PAH: variants seen among roughly 807,000 people sequenced by gnomAD.
PAH encodes the protein phenylalanine hydroxylase.
In PAH, 64 loss-of-function variants were observed where a neutral mutation model predicts 62.0. The observed-to-expected ratio is 1.03, with a 90% CI of 0.84 to 1.27. The LOEUF (loss-of-function observed/expected upper bound fraction) is 1.27, where lower values mean the gene tolerates loss of function less well. Among genes scored for constraint, PAH ranks in the 50% most tolerant of loss-of-function variants. The pLI, the probability that PAH is intolerant of heterozygous loss-of-function variation, is 0.00. For synonymous variants in PAH, 195 were observed against 196.2 expected (o/e 0.99, Z 0.05); for missense variants, 579 against 542.8 (o/e 1.07, Z -0.66).
Position 102,839,182 on chromosome 12 carries a change from A to G in PAH, c.1352T>C (p.Ile451Thr), listed in dbSNP as rs781041737. ...IGILCSALQKIK is the reference protein window; with the variant it reads ...IGILCSALQKTK ...CACATTCTGTCCATGGCTTTACTTT[A>G]TTTTCTGGAGGGCACTGCAAAGGAT... The change falls in exon 13 of 13, where the codon ATA becomes ACA. Residue 451 changes from isoleucine to threonine, a missense_variant. Transcript: ENST00000553106. The G allele has an allele frequency of 5.0e-6, 8 of 1,613,654 alleles. No individual in the cohort carries two copies. The highest frequency in any genetic ancestry group is 2.7e-5 in the African/African-American group (2 of 74,922).
chr12:102,877,114 A>G, intron 4 of PAH: 1 of 372,120 alleles, frequency 2.7e-6, no homozygotes, highest in South Asian at 2.2e-5. Context: ...TTGTTAGTAC[A>G]GGTTGCTGTT....
intron 3 of PAH, among the ~76,000 whole-genome samples, chr12:102,885,854 CAGAG>C (rs1877019567): frequency 6.6e-6 from 1 of 152,186 alleles, no homozygotes; most frequent in African/African-American, 2.4e-5. Context: ...CAGCCTGTCT[CAGAG>C]AGAGCAATAA....
intron 1 of PAH, among the ~76,000 whole-genome samples, chr12:102,930,977 ATC>A (rs1565879296): frequency 6.6e-6 from 1 of 152,200 alleles, no homozygotes; most frequent in Non-Finnish European, 1.5e-5. Flanking sequence ...AAAATAAATT[ATC>A]TGTTTATTCT....
chr12:102,896,144 G>A (rs555089401), intron 2 of PAH, among the ~76,000 whole-genome samples: 44 of 152,250 alleles, frequency 2.9e-4, no homozygotes, highest in Admixed American at 2.6e-3. Flanking sequence ...GCATTCCTGA[G>A]ACAGGGTGAG....
In PAH at chr12:102,949,960, G is replaced by T. The variant is rs187019753; in HGVS notation, c.-96+629C>A. 1.5e-3 allele frequency among the ~76,000 whole-genome samples: 221 copies of T among 152,280 alleles called. 2 individuals are homozygous for T. The highest frequency in any genetic ancestry group is 4.1e-3 in the Admixed American group (63 of 15,296). Reference sequence around the variant, plus strand: ...TGATTAGGTTTCATAGTTATTTGATGAATCAATGAGCATGTCAGCCTTGAT... The same window carrying T: ...TGATTAGGTTTCATAGTTATTTGATTAATCAATGAGCATGTCAGCCTTGAT... On this transcript the variant is annotated intron_variant, in intron 1 of 3. Transcript: ENST00000546844.
intron 4 of PAH, among the ~76,000 whole-genome samples, chr12:102,869,423 A>G (rs1876205162): frequency 6.6e-6 from 1 of 152,250 alleles, no homozygotes; most frequent in Admixed American, 6.5e-5. Context: ...AAAATAAGTA[A>G]CACTAACAGT....
rs74486803 is a variant in PAH at position 102,855,315 on chromosome 12, C to T, written c.527G>A (p.Arg176Gln). 45 of 1,613,912 alleles carry T rather than the reference C, an allele frequency of 2.8e-5. No individual in the cohort carries two copies. Among genetic ancestry groups the T allele is most frequent in the South Asian group, 6.6e-5 (6 of 91,064 alleles). Residue 176 changes from arginine to glutamine, a missense_variant, in exon 6 of 13, where the codon CGA becomes CAA. Transcript: ENST00000553106. ...CTTTTCTTCCTCCATGTATTCCACTCGAGGGATGGGCTGCCCACTAGAATA... is the reference window on the plus strand; with the variant it reads ...CTTTTCTTCCTCCATGTATTCCACTTGAGGGATGGGCTGCCCACTAGAATA... ...YNYRHGQPIPRVEYMEEEKKT... is the reference protein window; with the variant it reads ...YNYRHGQPIPQVEYMEEEKKT...
chr12:102,921,160 G>A (rs1004279231), upstream of PAH, among the ~76,000 whole-genome samples: 2 of 152,112 alleles, frequency 1.3e-5, no homozygotes, highest in East Asian at 1.9e-4. Context: ...AGTTCCTATT[G>A]GTGGGTATAC....
intron 1 of PAH, 36 bp from the exon 2 acceptor site, chr12:102,912,934 C>T (rs1274647954): frequency 7.2e-7 from 1 of 1,398,380 alleles, no homozygotes; most frequent in Admixed American, 1.7e-5. Context: ...AAACATTTTC[C>T]ACAGTTTAGC....
intron 3 of PAH, among the ~76,000 whole-genome samples, chr12:102,883,058 G>A (rs1428885164): frequency 6.6e-6 from 1 of 152,068 alleles, no homozygotes; most frequent in Non-Finnish European, 1.5e-5. Context: ...GGTATTAAGA[G>A]GTTTCTAATC....
intron 1 of PAH, chr12:102,945,846 C>A: frequency 6.6e-6 from 1 of 152,368 alleles, no homozygotes; most frequent in Non-Finnish European, 1.5e-5. Flanking sequence ...ATTCTTCCCC[C>A]TCTGTTTCTC....
intron 5 of PAH, among the ~76,000 whole-genome samples, chr12:102,861,979 A>AAAAG (rs1183598997): frequency 4.9e-4 from 75 of 151,962 alleles, no homozygotes; most frequent in Middle Eastern, 3.4e-3. Context: ...AAAAAAAAAA[A>AAAAG]AAAGAAAGAC....
intron 8 of PAH, among the ~76,000 whole-genome samples, chr12:102,848,858 A>G (rs1218439416): frequency 7.0e-6 from 1 of 142,228 alleles, no homozygotes; most frequent in African/African-American, 2.6e-5. Flanking sequence ...GCTGAGGGTT[A>G]AAGGGACACC....
chr12:102,855,239 A>T lies in PAH; in HGVS notation c.603T>A (p.His201Gln), dbSNP rs751977644. Residue 201 changes from histidine to glutamine, a missense_variant, in exon 6 of 13, where the codon CAT (histidine) becomes CAA (glutamine). By Grantham distance (24) the His-to-Gln change is conservative. Coordinates refer to ENST00000553106, the MANE Select transcript of PAH (RefSeq NM_000277.3). ...AAATGTGATTGTACTCATAGCAAGC[A>T]TGGGTTTTATACAAGGACTTCAGAG... is the stretch of plus-strand genomic sequence containing the variant. ...FKTLKSLYKT[H>Q]ACYEYNHIFP... 1.2e-6 allele frequency: 2 copies of T among 1,614,104 alleles called. No homozygotes were observed. Among genetic ancestry groups the T allele is most frequent in the South Asian group, 1.1e-5 (1 of 91,086 alleles).
At position 102,868,178 on chromosome 12, in the gene PAH, A is replaced by G. The variant is rs2454388; in HGVS notation, c.442-1515T>C. Among the ~76,000 whole-genome samples, 125 of 10,382 alleles carry G rather than the reference A, an allele frequency of 0.012. 21 individuals are homozygous for G. The African/African-American group carries it at 0.13, about 11-fold the overall frequency. The allele number at this position is 10,382 out of a possible 152,430, so 6.8% of individuals were successfully genotyped here. A position where few individuals can be genotyped will look rare whatever the true frequency, so the allele number is the denominator to read the frequency against. The stretch of plus-strand genomic sequence containing the variant: ...TACACATATATATACATATATGTGT[A>G]TATATATATATATATATATATATAT... On this transcript the variant is annotated intron_variant, in intron 4 of 12. Transcript: ENST00000553106.
intron 1 of PAH, among the ~76,000 whole-genome samples, chr12:102,916,086 C>T (rs1592990526): frequency 6.6e-6 from 1 of 152,226 alleles, no homozygotes; most frequent in East Asian, 1.9e-4. Flanking sequence ...GACTCTCACG[C>T]TGTTCCTCTG....
Position 102,894,762 on chromosome 12 carries a change from G to A in PAH, c.325C>T (p.Leu109Phe). 1 of 1,614,046 alleles carries A rather than the reference G, an allele frequency of 6.2e-7. No individual in the cohort carries two copies. ...RHDIGATVHE[L>F]SRDKKKDTVP... is the part of the protein sequence containing the mutation. The stretch of plus-strand genomic sequence containing the variant: ...GTGTCTTTCTTCTTATCTCGTGAAA[G>A]CTCATGGACAGTGGCACCAATGTCA... The change falls in exon 3 of 13, where the codon CTT (leucine) becomes TTT (phenylalanine). Residue 109 changes from leucine to phenylalanine, a missense_variant. Coordinates refer to ENST00000553106, the MANE Select transcript of PAH (RefSeq NM_000277.3).
intron 3 of PAH, among the ~76,000 whole-genome samples, chr12:102,887,132 T>C (rs372322705): frequency 2.6e-5 from 4 of 151,838 alleles, no homozygotes; most frequent in South Asian, 4.2e-4. Context: ...AGGCTATTGG[T>C]TTTGAGTATT....
intron 4 of PAH, among the ~76,000 whole-genome samples, chr12:102,867,066 G>A (rs1876011894): frequency 6.6e-6 from 1 of 152,214 alleles, no homozygotes; most frequent in Non-Finnish European, 1.5e-5. Context: ...TGATAGACGA[G>A]CAGGCACATG....
Sources: gnomAD v4.1 joint callset for allele counts (sites outside exome capture counted in the v4.1 genomes callset) on GRCh38, gnomAD v4.1.1 for gene constraint, MANE v1.5 for transcripts, NCBI Gene and HGNC (gene_info 2026-07-23, HGNC 2026-07-21) for gene names.